Variants in EPB41L4A observed in about 807,000 individuals in gnomAD.
EPB41L4A encodes band 4.1-like protein 4A.
Under a neutral mutation model 108.6 loss-of-function variants are expected in EPB41L4A, and 100 were observed. The observed-to-expected ratio is 0.92, with a 90% CI of 0.78 to 1.09. EPB41L4A has a LOEUF of 1.09. EPB41L4A is among the 50% of genes least tolerant of loss of function. The probability of loss-of-function intolerance (pLI) is 0.00; values close to 1 mark genes in which losing one functional copy is unlikely to be tolerated. For missense variants in EPB41L4A, 1,030 were observed against 842.7 expected (o/e 1.22, Z -2.75); for synonymous variants, 319 against 289.0 (o/e 1.10, Z -1.05).
chr5:112,260,083 T>A, intron 7 of EPB41L4A, 104 bp from the exon 8 acceptor site: 3 of 853,680 alleles, frequency 3.5e-6, no homozygotes, highest in Non-Finnish European at 5.6e-6. Flanking sequence ...ATATTGGATT[T>A]AATTTTTGAA....
At chr5:112,152,517 C>T (rs1447215527) in intron 12 of EPB41L4A, among the ~76,000 whole-genome samples, 1 of 152,122 alleles carries the variant, frequency 6.6e-6, no homozygotes, top group Non-Finnish European at 1.5e-5. Flanking sequence ...AGCCTGTTAG[C>T]CCCTTTCACA....
At chr5:112,366,963 G>A (rs1431570176) in intron 1 of EPB41L4A, among the ~76,000 whole-genome samples, 6 of 152,130 alleles carry the variant, frequency 3.9e-5, no homozygotes, top group Admixed American at 1.3e-4. Flanking sequence ...AGCCATCTCC[G>A]CCACTGGTCA....
In EPB41L4A at chr5:112,307,370, A is replaced by G. The variant is rs758919921; in HGVS notation, c.204+16T>C. On this transcript the variant is annotated intron_variant, in intron 2 of 22. Coordinates refer to ENST00000261486, the MANE Select transcript of EPB41L4A (RefSeq NM_022140.5). ...TTTATAACCAGAAAAATTTAACACA[A>G]AGTCACCTTACTCACCGTCTGATGG... The G allele has an allele frequency of 7.1e-5, 110 of 1,555,476 alleles. No individual in the cohort carries two copies. Among genetic ancestry groups the G allele is most frequent in the Middle Eastern group, 1.7e-4 (1 of 5,972 alleles).
chr5:112,239,758 A>T (rs1749638949), intron 10 of EPB41L4A, 21 bp from the exon 11 acceptor site: 3 of 1,565,668 alleles, frequency 1.9e-6, no homozygotes, highest in African/African-American at 1.4e-5. Context: ...TTTAAAAGAA[A>T]ATCAGACAAA....
chr5:112,214,086 G>A (rs912816048), intron 12 of EPB41L4A, among the ~76,000 whole-genome samples: 3 of 152,108 alleles, frequency 2.0e-5, no homozygotes, highest in Non-Finnish European at 4.4e-5. Flanking sequence ...TTGTTAACAT[G>A]GACCACTAAA....
chr5:112,375,263 C>T (rs1351463426), intron 1 of EPB41L4A, among the ~76,000 whole-genome samples: 5 of 151,590 alleles, frequency 3.3e-5, no homozygotes, highest in African/African-American at 1.2e-4. Context: ...CCTTCCTAAA[C>T]CTAACTATCT....
intron 3 of EPB41L4A, among the ~76,000 whole-genome samples, chr5:112,277,159 G>A (rs1752675227): frequency 1.3e-5 from 2 of 152,148 alleles, no homozygotes; most frequent in South Asian, 2.1e-4. Context: ...AGATGGGTCT[G>A]CCTGTGCCCG....
At chr5:112,173,229 T>C (rs1760682654) in intron 18 of EPB41L4A, among the ~76,000 whole-genome samples, 1 of 152,166 alleles carries the variant, frequency 6.6e-6, no homozygotes, top group Non-Finnish European at 1.5e-5. Context: ...AGGGTGCAGT[T>C]GATGACAACT....
rs201639772 is a variant in EPB41L4A at position 112,221,729 on chromosome 5, A to G, written c.1088-11747T>C. Among the ~76,000 whole-genome samples, 7 of 152,310 alleles carry G rather than the reference A, an allele frequency of 4.6e-5. No homozygotes were observed. The East Asian group carries it at 1.4e-3, about 29-fold the overall frequency. On this transcript the variant is annotated intron_variant, in intron 12 of 22. Transcript: ENST00000261486. ...GCCCAATAAATTCTTGTTGAATAAG[A>G]AGAAAAAGAAAAAAGGTGTCATTTA... is the stretch of plus-strand genomic sequence containing the variant.
intron 12 of EPB41L4A, among the ~76,000 whole-genome samples, chr5:112,234,302 G>C (rs79798796): frequency 0.055 from 8,391 of 151,480 alleles, 545 homozygotes; most frequent in East Asian, 0.26. Context: ...ACATCACTTG[G>C]GCCCAGGAGG....
intron 1 of EPB41L4A, among the ~76,000 whole-genome samples, chr5:112,392,401 CAAAAAAA>C (rs56256606): frequency 2.5e-4 from 9 of 35,920 alleles, no homozygotes; most frequent in South Asian, 3.5e-3. Context: ...AAATGGAAAG[CAAAAAAA>C]AAAAAAAAAA....
chr5:112,269,124 A>G (rs1357021469), intron 4 of EPB41L4A, among the ~76,000 whole-genome samples: 1 of 152,178 alleles, frequency 6.6e-6, no homozygotes, highest in Admixed American at 6.5e-5. Context: ...AGTTGGATAC[A>G]TGGATAAACA....
intron 12 of EPB41L4A, among the ~76,000 whole-genome samples, chr5:112,210,677 T>C (rs1162543644): frequency 1.3e-5 from 2 of 151,948 alleles, no homozygotes; most frequent in African/African-American, 2.4e-5. Flanking sequence ...TGGGCCCATG[T>C]AGGAGGTCAG....
At chr5:112,351,402 C>T (rs7711318) in intron 1 of EPB41L4A, among the ~76,000 whole-genome samples, 1 of 151,928 alleles carries the variant, frequency 6.6e-6, no homozygotes, top group Non-Finnish European at 1.5e-5. Context: ...CGTACAACCC[C>T]CCAAGACTGA....
intron 1 of EPB41L4A, among the ~76,000 whole-genome samples, chr5:112,314,505 T>TAAAAAAAAAAAAAAAAAAAAAAA (rs552428109): frequency 9.1e-5 from 5 of 55,182 alleles, no homozygotes; most frequent in African/African-American, 3.2e-4. Context: ...CCATCGCTAC[T>TAAAAAAAAAAAAAAAAAAAAAAA]AAAAAAAAAA....
chr5:112,417,690 G>C (rs1466591682), intron 1 of EPB41L4A, among the ~76,000 whole-genome samples: 1 of 152,114 alleles, frequency 6.6e-6, no homozygotes, highest in African/African-American at 2.4e-5. Context: ...TACCGAATGA[G>C]AATCGAACTG....
intron 1 of EPB41L4A, among the ~76,000 whole-genome samples, chr5:112,418,383 GT>G (rs1369955930): frequency 6.6e-6 from 1 of 152,200 alleles, no homozygotes; most frequent in Non-Finnish European, 1.5e-5. Flanking sequence ...TTTGAGAGAT[GT>G]TTACTTAAAT....
At position 112,314,680 on chromosome 5, in the gene EPB41L4A, C is replaced by T. The variant is rs183213594; in HGVS notation, c.100-7190G>A. On this transcript the variant is annotated intron_variant, in intron 1 of 22. Coordinates refer to ENST00000261486, the MANE Select transcript of EPB41L4A (RefSeq NM_022140.5). ...AAACTTAGCTGGGCATAGTGGCACGCGCCTGGGGAGGCTGAGACAGGAAAA... is the reference window on the plus strand; with the variant it reads ...AAACTTAGCTGGGCATAGTGGCACGTGCCTGGGGAGGCTGAGACAGGAAAA... Among the ~76,000 whole-genome samples, 964 of 152,038 alleles carry T rather than the reference C, an allele frequency of 6.3e-3. 2 individuals are homozygous for T. Among genetic ancestry groups the T allele is most frequent in the Non-Finnish European group, 0.01 (710 of 67,964 alleles).
At chr5:112,224,610 T>C (rs940484270) in intron 12 of EPB41L4A, among the ~76,000 whole-genome samples, 5 of 152,178 alleles carry the variant, frequency 3.3e-5, no homozygotes, top group African/African-American at 4.8e-5. Context: ...AGACCAGGAA[T>C]TCAGGGCTAC....
Sources: allele counts gnomAD v4.1 joint callset (sites outside exome capture counted in the v4.1 genomes callset), GRCh38; gene constraint gnomAD v4.1.1; transcripts MANE v1.5; gene names NCBI Gene and HGNC (gene_info 2026-07-23, HGNC 2026-07-21).